CDYL: variants seen among roughly 807,000 people sequenced by gnomAD.
CDYL encodes chromodomain Y like.
A neutral mutation model predicts 47.3 loss-of-function variants in CDYL; 8 were observed. That is an observed-to-expected ratio of 0.17 (90% CI 0.10 to 0.31). CDYL has a LOEUF of 0.31. CDYL is among the 10% of genes least tolerant of loss of function. The pLI, the probability that CDYL is intolerant of heterozygous loss-of-function variation, is 1.00. For synonymous variants in CDYL, 266 were observed against 265.0 expected, an observed-to-expected ratio of 1.00 and a Z score of -0.04; for missense variants, 471 against 701.4, an observed-to-expected ratio of 0.67 and a Z score of 3.71.
chr6:4,875,413 GACAA>G (rs1374052694), intron 1 of CDYL, among the ~76,000 whole-genome samples: 4 of 152,148 alleles, frequency 2.6e-5, no homozygotes, highest in East Asian at 1.9e-4. Flanking sequence ...GGGAAAAATT[GACAA>G]ACAATATTTT....
intron 3 of CDYL, among the ~76,000 whole-genome samples, chr6:4,753,516 C>T (rs920119830): frequency 1.3e-4 from 20 of 152,308 alleles, no homozygotes; most frequent in African/African-American, 4.8e-4. Context: ...AAATTCTCCA[C>T]TCTGCTGGAT....
At chr6:4,914,460 TTCTTACTATTA>T (rs1217267001) in intron 2 of CDYL, among the ~76,000 whole-genome samples, 2 of 152,190 alleles carry the variant, frequency 1.3e-5, no homozygotes, top group Non-Finnish European at 2.9e-5. Context: ...TCAGCTGAGT[TTCTTACTATTA>T]TCTGTCTCTT....
In CDYL at chr6:4,954,142, C is replaced by T. The variant is rs1049484306; in HGVS notation, c.*86C>T. Reference sequence around the variant, plus strand: ...CAGTTCCCCTGATCCATTCTCACAGCCTGAAACAAGCTCACCCGTAGCTTA... The same window carrying T: ...CAGTTCCCCTGATCCATTCTCACAGTCTGAAACAAGCTCACCCGTAGCTTA... On this transcript the variant is annotated 3_prime_UTR_variant, in exon 7 of 7. Coordinates refer to ENST00000397588, the MANE Select transcript of CDYL (RefSeq NM_004824.4). 2 of 1,425,844 alleles carry T rather than the reference C, an allele frequency of 1.4e-6. No homozygotes were observed. Among genetic ancestry groups the T allele is most frequent in the Non-Finnish European group, 1.9e-6 (2 of 1,052,158 alleles). 88.3% of individuals were successfully genotyped at this position (1,425,844 alleles called of 1,614,324 possible).
rs1209244037 is a variant in CDYL, at chr6:4,832,819, T to C, written c.24+56012T>C. On this transcript the variant is annotated intron_variant, in intron 1 of 6. Transcript: ENST00000397588. ...TTTAGTCTTGGGAGAGTGTATGTGT[T>C]GAGGAATTTATCCATTTCTTCTAGA... Among the ~76,000 whole-genome samples, 213 of 147,784 alleles carry C rather than the reference T, an allele frequency of 1.4e-3. 1 individual carries two copies. Among genetic ancestry groups the C allele is most frequent in the African/African-American group, 4.8e-3 (193 of 39,860 alleles).
intron 3 of CDYL, among the ~76,000 whole-genome samples, chr6:4,745,553 C>T (rs764898878): frequency 3.3e-5 from 5 of 150,420 alleles, no homozygotes; most frequent in African/African-American, 1.2e-4. Flanking sequence ...ACCAGCCTGG[C>T]CAACATAGTG....
At chr6:4,828,778 T>A (rs900569283) in intron 1 of CDYL, among the ~76,000 whole-genome samples, 5 of 152,198 alleles carry the variant, frequency 3.3e-5, no homozygotes, top group Admixed American at 1.3e-4. Context: ...GCTAGCCTAC[T>A]AGGCTCTGTT....
Position 4,784,535 on chromosome 6 carries a change from T to C in CDYL, c.24+7728T>C, listed in dbSNP as rs370654119. 5.9e-5 allele frequency among the ~76,000 whole-genome samples: 9 copies of C among 152,366 alleles called. No homozygotes were observed. The South Asian group carries it at 1.4e-3, about 25-fold the overall frequency. Reference sequence around the variant, plus strand: ...GCAAAACAGTAGTTTTCAAGAGGACTGTTTATGAAAATGGATTATAATAGT... The same window carrying C: ...GCAAAACAGTAGTTTTCAAGAGGACCGTTTATGAAAATGGATTATAATAGT... On this transcript the variant is annotated intron_variant, in intron 1 of 6. Transcript: ENST00000397588.
At chr6:4,852,557 TTCCA>T (rs1319633783) in intron 1 of CDYL, among the ~76,000 whole-genome samples, 2 of 135,346 alleles carry the variant, frequency 1.5e-5, no homozygotes, top group Non-Finnish European at 3.1e-5. Flanking sequence ...CCTTCCTTCC[TTCCA>T]ATCTTCCTTC....
intron 2 of CDYL, among the ~76,000 whole-genome samples, chr6:4,910,844 T>C (rs1341833640): frequency 6.6e-6 from 1 of 151,988 alleles, no homozygotes; most frequent in Non-Finnish European, 1.5e-5. Flanking sequence ...TTTTTTTTTT[T>C]TTTCCCCAAG....
chr6:4,930,985 A>C (rs1397093978), intron 2 of CDYL, among the ~76,000 whole-genome samples: 1 of 152,064 alleles, frequency 6.6e-6, no homozygotes, highest in Non-Finnish European at 1.5e-5. Context: ...TCTGAATCTC[A>C]GTGTTTACCA....
chr6:4,932,496 G>A (rs1419515699), intron 2 of CDYL, among the ~76,000 whole-genome samples: 1 of 152,182 alleles, frequency 6.6e-6, no homozygotes, highest in Non-Finnish European at 1.5e-5. Context: ...GAATTTGGGT[G>A]AGACACAGGC....
At chr6:4,844,193 C>T (rs1300751641) in intron 1 of CDYL, among the ~76,000 whole-genome samples, 3 of 152,174 alleles carry the variant, frequency 2.0e-5, no homozygotes, top group Non-Finnish European at 4.4e-5. Flanking sequence ...CTTCAGGTCT[C>T]TCAACTGTAG....
chr6:4,942,581 TTTC>T (rs1758392055), intron 4 of CDYL, among the ~76,000 whole-genome samples: 1 of 152,210 alleles, frequency 6.6e-6, no homozygotes, highest in Non-Finnish European at 1.5e-5. Context: ...CTATCTTGTG[TTTC>T]TTCTTTTCTC....
chr6:4,952,281 C>T lies in CDYL; in HGVS notation c.1348C>T (p.Leu450Phe), dbSNP rs1346745736. 6.2e-7 allele frequency: 1 copy of T among 1,613,858 alleles called. No individual in the cohort carries two copies. The highest frequency in any genetic ancestry group is 2.2e-5 in the East Asian group (1 of 44,888). ...MGGASANEML[L>F]SGRKLTAQEA... The stretch of plus-strand genomic sequence containing the variant: ...TTCCTTGCAGGCAAACGAGATGCTG[C>T]TCAGTGGACGGAAGCTGACAGCGCA... Residue 450 changes from leucine (L) to phenylalanine (F), a missense_variant, in exon 6 of 7, where the codon CTC (leucine) becomes TTC (phenylalanine). This residue lies in a region of CDYL where 103 missense variants were observed against 277.1 expected (regional missense o/e 0.37). Coordinates refer to ENST00000397588, the MANE Select transcript of CDYL (RefSeq NM_004824.4).
intron 3 of CDYL, among the ~76,000 whole-genome samples, chr6:4,761,182 C>T (rs1181860745): frequency 1.3e-5 from 2 of 152,138 alleles, no homozygotes; most frequent in Non-Finnish European, 2.9e-5. Context: ...CTCTTGGCGG[C>T]AGATAAAGAC....
At chr6:4,805,267 ACT>A (rs1466223136) in intron 1 of CDYL, among the ~76,000 whole-genome samples, 1 of 152,148 alleles carries the variant, frequency 6.6e-6, no homozygotes, top group Non-Finnish European at 1.5e-5. Flanking sequence ...TAGTAGTGAA[ACT>A]CTATTCTGCT....
At chr6:4,894,490 G>T (rs370825110) in intron 2 of CDYL, among the ~76,000 whole-genome samples, 1 of 152,142 alleles carries the variant, frequency 6.6e-6, no homozygotes, top group East Asian at 1.9e-4. Flanking sequence ...ATTTACTAAC[G>T]TGAAAATATA....
chr6:4,952,001 A>G (rs1451831014), intron 5 of CDYL, among the ~76,000 whole-genome samples: 6 of 152,138 alleles, frequency 3.9e-5, no homozygotes, highest in African/African-American at 1.4e-4. Context: ...GAGTCCCTGT[A>G]ATTCTGTAGT....
At chr6:4,902,035 A>G (rs1581250460) in intron 2 of CDYL, among the ~76,000 whole-genome samples, 1 of 152,140 alleles carries the variant, frequency 6.6e-6, no homozygotes, top group East Asian at 1.9e-4. Context: ...AACTTCATCT[A>G]AACTCTGTAA....
Sources: gnomAD v4.1 joint callset for allele counts (sites outside exome capture counted in the v4.1 genomes callset) on GRCh38, gnomAD v4.1.1 for gene constraint, gnomAD v4.1.1 regional missense constraint, MANE v1.5 for transcripts, NCBI Gene and HGNC (gene_info 2026-07-23, HGNC 2026-07-21) for gene names.